Variants in APOB observed in about 807,000 individuals in gnomAD.
APOB encodes apolipoprotein B.
A neutral mutation model predicts 314.1 loss-of-function variants in APOB; 153 were observed. The observed-to-expected ratio is 0.49, with a 90% confidence interval of 0.43 to 0.56. The LOEUF (loss-of-function observed/expected upper bound fraction) is 0.56. APOB is among the 20% of genes least tolerant of loss of function. The probability of loss-of-function intolerance (pLI) is 0.00; values close to 1 mark genes in which losing one functional copy is unlikely to be tolerated. For missense variants in APOB, 5,430 were observed against 5,350.7 expected (o/e 1.01, Z -0.46); for synonymous variants, 2,087 against 2,036.4 (o/e 1.02, Z -0.67).
chr2:21,043,905 AGCGCCAGC>A lies in APOB; in HGVS notation c.33_40del (p.Leu12AlafsTer43). The A allele has an allele frequency of 1.5e-6, 1 of 679,850 alleles. No homozygotes were observed. Among genetic ancestry groups the A allele is most frequent in the Non-Finnish European group, 2.1e-6 (1 of 485,718 alleles). The allele number at this position is 679,850 out of a possible 1,614,324, so 42.1% of individuals were successfully genotyped here. On this transcript the variant is annotated frameshift_variant, in exon 1 of 29. Transcript: ENST00000233242. LOFTEE classifies it high-confidence loss of function. ...CAGCAGCAGCAGCAGCAGCGCAGGC[AGCGCCAGC>A]AGCGCCAGCAGCGCGGGCCTCGGCG... is the stretch of plus-strand genomic sequence containing the variant.
intron 17 of APOB, 147 bp downstream of exon 17, chr2:21,023,378 A>C (rs1663661224): frequency 1.1e-6 from 1 of 949,888 alleles, no homozygotes; most frequent in Non-Finnish European, 1.6e-6. Context: ...GGAAGCTTGA[A>C]GTTTTTCATA....
rs1572805151 is a variant in APOB at position 21,042,500 on chromosome 2, G to A, written c.122-24C>T. 3.2e-6 allele frequency: 5 copies of A among 1,582,644 alleles called. No homozygotes were observed. In the African/African-American group the frequency reaches 4.0e-5, roughly 13 times the overall value. ...TTCTAACGTGGGGAGAAATACGTCA[G>A]CCACATAGCAGAAATAGCTCTCCCA... is the stretch of plus-strand genomic sequence containing the variant. On this transcript the variant is annotated intron_variant, in intron 2 of 28. Transcript: ENST00000233242.
rs201401314 is a variant in APOB, at chr2:21,043,490, C to G, written c.121+23G>C. ...GTGCACGGGGCTGGGCGCCCTTCCA[C>G]GCCCCATGCGCAGATGCCTTACTTG... On this transcript the variant is annotated intron_variant, in intron 2 of 28. Transcript: ENST00000233242. The G allele has an allele frequency of 3.8e-6, 6 of 1,595,924 alleles. No homozygotes were observed. The African/African-American group carries it at 5.3e-5, about 14-fold the overall frequency.
chr2:21,009,644 A>G lies in APOB; in HGVS notation c.7224T>C (p.Ser2408=). 6.2e-7 allele frequency: 1 copy of G among 1,613,668 alleles called. No homozygotes were observed. Among genetic ancestry groups the G allele is most frequent in the South Asian group, 1.1e-5 (1 of 91,046 alleles). The change falls in exon 26 of 29, where the codon TCT becomes TCC. Residue 2408 remains serine (S), a synonymous_variant. Coordinates refer to ENST00000233242, the MANE Select transcript of APOB (RefSeq NM_000384.3). ...TAACATCTTCAATGAATGTTTTAAA[A>G]GATAATTCATTAAGCTTCTTGACAG... The part of the protein sequence containing the change: ...DDAVKKLNEL[S]FKTFIEDVNK...
intron 23 of APOB, among the ~76,000 whole-genome samples, 154 bp from the exon 24 acceptor site, chr2:21,014,747 G>A (rs192241630): frequency 1.1e-3 from 165 of 152,304 alleles, no homozygotes; most frequent in Non-Finnish European, 1.4e-3. Flanking sequence ...ATGAATCTTC[G>A]TTGCCAGTCA....
Position 21,013,210 on chromosome 2 carries a change from T to C in APOB, c.4166A>G (p.Tyr1389Cys). The change falls in exon 25 of 29, where the codon TAC (tyrosine) becomes TGC (cysteine). Residue 1389 changes from tyrosine to cysteine, a missense_variant. Tyr to Cys is a radical substitution (Grantham distance 194, BLOSUM62 -2). Around this residue, in one of 3 missense-constraint regions of APOB, gnomAD observed 2,085 missense variants for 2,079.7 expected, o/e 1.00. Transcript: ENST00000233242. ...AACCACAGAGTCAGCCTTCATGTGG[T>C]AACGAGCCCGAAGGCTGAAATGGTC... ...STDHFSLRAR[Y>C]HMKADSVVDL... 6.2e-7 allele frequency: 1 copy of C among 1,614,156 alleles called. No individual in the cohort carries two copies. Among genetic ancestry groups the C allele is most frequent in the Non-Finnish European group, 8.5e-7 (1 of 1,180,018 alleles).
chr2:21,001,662 G>T lies in APOB; in HGVS notation c.*68C>A. 2 of 1,532,450 alleles carry T rather than the reference G, an allele frequency of 1.3e-6. No homozygotes were observed. The highest frequency in any genetic ancestry group is 1.8e-6 in the Non-Finnish European group (2 of 1,109,952). 94.9% of individuals were successfully genotyped at this position (1,532,450 alleles called of 1,614,324 possible). Reference sequence around the variant, plus strand: ...ATGGTTTTATCAATATAGGCAGTTTGAATTTTTTCTGTGCTATGTGAAAGT... The same window carrying T: ...ATGGTTTTATCAATATAGGCAGTTTTAATTTTTTCTGTGCTATGTGAAAGT... On this transcript the variant is annotated 3_prime_UTR_variant, in exon 29 of 29. Transcript: ENST00000233242.
chr2:21,012,756 A>G (rs1269825756), intron 25 of APOB, 105 bp from the exon 26 acceptor site: 5 of 1,217,842 alleles, frequency 4.1e-6, no homozygotes, highest in Non-Finnish European at 5.8e-6. Context: ...TTCTGGGCCA[A>G]TTGTGCAATA....
intron 6 of APOB, among the ~76,000 whole-genome samples, chr2:21,036,657 G>A (rs1189176167): frequency 2.0e-5 from 3 of 152,202 alleles, no homozygotes; most frequent in African/African-American, 7.2e-5. Context: ...TTCATGGGAT[G>A]AGGGAGAGGG....
At chr2:21,021,041 C>T (rs1418143533) in intron 18 of APOB, among the ~76,000 whole-genome samples, 1 of 152,182 alleles carries the variant, frequency 6.6e-6, no homozygotes, top group Non-Finnish European at 1.5e-5. Flanking sequence ...TTCCCAAATC[C>T]ATATGTGGAG....
At chr2:21,020,807 T>A (rs1340754279) in intron 18 of APOB, among the ~76,000 whole-genome samples, 2 of 152,224 alleles carry the variant, frequency 1.3e-5, no homozygotes, top group African/African-American at 4.8e-5. Context: ...ATGCCAGCTT[T>A]CGCCTACCCA....
intron 14 of APOB, among the ~76,000 whole-genome samples, chr2:21,027,306 A>T (rs933607586): frequency 1.6e-4 from 17 of 105,874 alleles, no homozygotes; most frequent in African/African-American, 4.5e-4. Context: ...TTGCATTTCA[A>T]TTTTTTTTTT....
At position 21,015,093 on chromosome 2, in the gene APOB, C is replaced by A. The variant is rs138681343; in HGVS notation, c.3676G>T (p.Val1226Leu). The part of the protein sequence containing the change: ...VPQTDMTFRH[V>L]GSKLIVAMSS... ...CTTACAACTATTAATTTGGAACCCA[C>A]GTGCCGGAAAGTCATGTCTGTTTGA... Residue 1226 changes from valine (V) to leucine (L), a missense_variant, in exon 23 of 29, where the codon GTG (valine) becomes TTG (leucine). This residue lies in a region of APOB where 2,085 missense variants were observed against 2,079.7 expected (regional missense o/e 1.00). Coordinates refer to ENST00000233242, the MANE Select transcript of APOB (RefSeq NM_000384.3). 2 of 1,614,106 alleles carry A rather than the reference C, an allele frequency of 1.2e-6. No homozygotes were observed. The highest frequency in any genetic ancestry group is 1.7e-5 in the Admixed American group (1 of 60,016).
In APOB at chr2:21,025,056, C is replaced by T. The variant is rs552986140; in HGVS notation, c.2313G>A (p.Pro771=). Residue 771 remains proline, a synonymous_variant, in exon 16 of 29, where the codon CCG becomes CCA. Coordinates refer to ENST00000233242, the MANE Select transcript of APOB (RefSeq NM_000384.3). Reference sequence around the variant, plus strand: ...AGATGCGGAGGTAGGCTCTGGCTTCCGGGACTTCTTTGGATTTCAAATCTT... The same window carrying T: ...AGATGCGGAGGTAGGCTCTGGCTTCTGGGACTTCTTTGGATTTCAAATCTT... ...LIKDLKSKEV[P]EARAYLRILG... is the part of the protein sequence containing the mutation. The T allele has an allele frequency of 8.4e-5, 135 of 1,614,210 alleles. No individual in the cohort carries two copies. Among genetic ancestry groups the T allele is most frequent in the South Asian group, 1.4e-4 (13 of 91,090 alleles).
chr2:21,014,070 TGC>T (rs1470728580), intron 24 of APOB, among the ~76,000 whole-genome samples: 3 of 152,244 alleles, frequency 2.0e-5, no homozygotes, highest in African/African-American at 7.2e-5. Context: ...CTCAGAATGC[TGC>T]CTCCATTTAG....
At chr2:21,033,773 GT>G (rs1380422770) in intron 8 of APOB, among the ~76,000 whole-genome samples, 1 of 152,202 alleles carries the variant, frequency 6.6e-6, no homozygotes, top group African/African-American at 2.4e-5. Context: ...GACCCACAGA[GT>G]TTTTGGGCCA....
chr2:21,007,471 G>A lies in APOB; in HGVS notation c.9397C>T (p.Pro3133Ser). 6.2e-7 allele frequency: 1 copy of A among 1,614,048 alleles called. No individual in the cohort carries two copies. The highest frequency in any genetic ancestry group is 8.5e-7 in the Non-Finnish European group (1 of 1,179,966). ...ATTGTGTAAGGTAGACGCATTTCAGGAATTGTTAAAGGAATGTTTAAGAAA... is the reference window on the plus strand; with the variant it reads ...ATTGTGTAAGGTAGACGCATTTCAGAAATTGTTAAAGGAATGTTTAAGAAA... ...LDFLNIPLTI[P>S]EMRLPYTIIT... The change falls in exon 26 of 29, where the codon CCT becomes TCT. Residue 3133 changes from proline (P) to serine (S), a missense_variant. This residue lies in a region of APOB where 3,281 missense variants were observed against 3,171.0 expected (regional missense o/e 1.03). Transcript: ENST00000233242.
rs67556837 is a variant in APOB, at chr2:21,029,493, G to GAGGAAGGAAGGA, written c.1617+134_1617+145dup. The GAGGAAGGAAGGA allele has an allele frequency of 6.2e-6, 5 of 805,166 alleles. No individual in the cohort carries two copies. The African/African-American group carries it at 6.8e-5, about 11-fold the overall frequency. 49.9% of individuals were successfully genotyped at this position (805,166 alleles called of 1,614,324 possible). A position where few individuals can be genotyped will look rare whatever the true frequency, so the allele number is the denominator to read the frequency against. ...GAAGGAAAGAAGAAAGGGAGGGAGG[G>GAGGAAGGAAGGA]AGGAAGGAAGGAAGGAAGGAAGGAA... is the stretch of plus-strand genomic sequence containing the variant. On this transcript the variant is annotated intron_variant, in intron 12 of 28. Coordinates refer to ENST00000233242, the MANE Select transcript of APOB (RefSeq NM_000384.3).
rs770789595 is a variant in APOB at position 21,019,733 on chromosome 2, C to T, written c.2989G>A (p.Gly997Arg). 7 of 1,614,042 alleles carry T rather than the reference C, an allele frequency of 4.3e-6. No homozygotes were observed. Among genetic ancestry groups the T allele is most frequent in the Admixed American group, 1.7e-5 (1 of 60,018 alleles). ...CTGAGCATCTCTAACCTGGTGTCCCCGGTCAGCGGATAGTAGGAGGCGGAG... is the reference window on the plus strand; with the variant it reads ...CTGAGCATCTCTAACCTGGTGTCCCTGGTCAGCGGATAGTAGGAGGCGGAG... Reference protein sequence around the residue: ...TDSASYYPLTGDTRLELELRP... With the variant: ...TDSASYYPLTRDTRLELELRP... The change falls in exon 19 of 29, where the codon GGG becomes AGG. Residue 997 changes from glycine to arginine, a missense_variant. This residue lies in a region of APOB where 2,085 missense variants were observed against 2,079.7 expected (regional missense o/e 1.00). Transcript: ENST00000233242.
Sources: gnomAD v4.1 joint callset for allele counts (sites outside exome capture counted in the v4.1 genomes callset) on GRCh38, gnomAD v4.1.1 for gene constraint, gnomAD v4.1.1 regional missense constraint, MANE v1.5 for transcripts, NCBI Gene and HGNC (gene_info 2026-07-23, HGNC 2026-07-21) for gene names.